Variants in SGPL1 observed in about 807,000 individuals in gnomAD.
SGPL1 encodes the protein sphingosine-1-phosphate lyase 1.
SGPL1 carries 37 observed loss-of-function variants against 68.9 expected under a neutral mutation model. The observed-to-expected ratio is 0.54, with a 90% CI of 0.41 to 0.71. The LOEUF (loss-of-function observed/expected upper bound fraction) is 0.71. SGPL1 is among the 30% of genes least tolerant of loss of function. SGPL1 has a pLI of 0.00. For synonymous variants in SGPL1, 236 were observed against 248.5 expected, an observed-to-expected ratio of 0.95 and a Z score of 0.47; for missense variants, 551 against 704.6, an observed-to-expected ratio of 0.78 and a Z score of 2.47.
At chr10:70,877,072 G>A (rs944115665) in intron 14 of SGPL1, 123 bp from the exon 15 acceptor site, 31 of 873,290 alleles carry the variant, frequency 3.5e-5, no homozygotes, top group Middle Eastern at 5.7e-4. Flanking sequence ...GCCTTAGGTG[G>A]AAATGGGGTA....
Position 70,844,635 on chromosome 10 carries a change from G to C in SGPL1, c.190G>C (p.Glu64Gln). The change falls in exon 3 of 15, where the codon GAG becomes CAG. Residue 64 changes from glutamate to glutamine, a missense_variant. By Grantham distance (29) the Glu-to-Gln change is conservative. Coordinates refer to ENST00000373202, the MANE Select transcript of SGPL1 (RefSeq NM_003901.4). Reference sequence around the variant, plus strand: ...GGGATATGAGTTTGTCTTCCAGCCAGAGAGTAAGTATGCTGTCTCCTCTGT... The same window carrying C: ...GGGATATGAGTTTGTCTTCCAGCCACAGAGTAAGTATGCTGTCTCCTCTGT... ...VWGYEFVFQP[E>Q]SLWSRFKKKC... The C allele has an allele frequency of 6.2e-7, 1 of 1,613,864 alleles. No homozygotes were observed. Among genetic ancestry groups the C allele is most frequent in the Non-Finnish European group, 8.5e-7 (1 of 1,179,936 alleles).
chr10:70,842,772 G>C (rs1845735911), intron 2 of SGPL1, among the ~76,000 whole-genome samples: 2 of 152,126 alleles, frequency 1.3e-5, no homozygotes, highest in Non-Finnish European at 2.9e-5. Flanking sequence ...TGGAGGATAG[G>C]CATCCAAACC....
At chr10:70,847,382 C>G (rs188434633) in intron 3 of SGPL1, among the ~76,000 whole-genome samples, 13 of 152,250 alleles carry the variant, frequency 8.5e-5, no homozygotes, top group African/African-American at 3.1e-4. Context: ...CTCCTGACCT[C>G]AGGTGATCCG....
At chr10:70,871,654 G>A (rs1846299201) in intron 10 of SGPL1, among the ~76,000 whole-genome samples, 183 bp from the exon 11 acceptor site, 1 of 152,090 alleles carries the variant, frequency 6.6e-6, no homozygotes, top group African/African-American at 2.4e-5. Flanking sequence ...TTATTTTGAA[G>A]GGAAAATACA....
intron 7 of SGPL1, among the ~76,000 whole-genome samples, chr10:70,867,336 GCAGATCACTTGAGGC>G (rs1335619047): frequency 6.6e-6 from 1 of 152,202 alleles, no homozygotes; most frequent in Non-Finnish European, 1.5e-5. Context: ...GCTGAGGTGG[GCAGATCACTTGAGGC>G]CAGGAGCTTG....
chr10:70,842,412 G>C (rs1223061691), intron 2 of SGPL1, among the ~76,000 whole-genome samples: 1 of 152,130 alleles, frequency 6.6e-6, no homozygotes, highest in African/African-American at 2.4e-5. Context: ...GGATTAGCCC[G>C]TTCTTGCATT....
At chr10:70,830,732 TGTAATTATATAA>T (rs1845520621) in intron 2 of SGPL1, among the ~76,000 whole-genome samples, 1 of 152,218 alleles carries the variant, frequency 6.6e-6, no homozygotes, top group South Asian at 2.1e-4. Flanking sequence ...CTGAATTCTT[TGTAATTATATAA>T]GATTTTATGT....
At chr10:70,852,583 C>T (rs1379506387) in intron 4 of SGPL1, among the ~76,000 whole-genome samples, 11 of 152,104 alleles carry the variant, frequency 7.2e-5, no homozygotes, top group Admixed American at 7.2e-4. Flanking sequence ...GGTTCCAGAA[C>T]CCACTCTTAA....
In SGPL1 at chr10:70,839,669, A is replaced by G. The variant is rs181043858; in HGVS notation, c.28-4804A>G. The stretch of plus-strand genomic sequence containing the variant: ...AGACACAATACATTGATAAAATTGA[A>G]ATAAACAGAAGCCTAAGAATTATAA... On this transcript the variant is annotated intron_variant, in intron 2 of 14. Coordinates refer to ENST00000373202, the MANE Select transcript of SGPL1 (RefSeq NM_003901.4). Among the ~76,000 whole-genome samples, 18 of 152,302 alleles carry G rather than the reference A, an allele frequency of 1.2e-4. No individual in the cohort carries two copies. The East Asian group carries it at 3.5e-3, about 29-fold the overall frequency.
intron 3 of SGPL1, among the ~76,000 whole-genome samples, chr10:70,846,131 A>C (rs538372016): frequency 1.1e-4 from 16 of 152,222 alleles, no homozygotes; most frequent in African/African-American, 3.4e-4. Flanking sequence ...TCTGTAGCTC[A>C]CTCCAGCTTT....
At chr10:70,840,089 A>G (rs988493581) in intron 2 of SGPL1, among the ~76,000 whole-genome samples, 4 of 152,126 alleles carry the variant, frequency 2.6e-5, no homozygotes, top group Admixed American at 1.3e-4. Context: ...TATCCAGGGT[A>G]GATCCTGCCA....
chr10:70,861,836 G>A (rs117294223), intron 7 of SGPL1, among the ~76,000 whole-genome samples: 3,125 of 152,310 alleles, frequency 0.021, 127 homozygotes, highest in East Asian at 0.11. Flanking sequence ...CCGGCCTACC[G>A]GCACTGCGCT....
chr10:70,843,913 T>G (rs143372687), intron 2 of SGPL1, among the ~76,000 whole-genome samples: 264 of 152,350 alleles, frequency 1.7e-3, no homozygotes, highest in African/African-American at 6.0e-3. Flanking sequence ...TGTAATTACA[T>G]TGTGTTGGAA....
intron 2 of SGPL1, among the ~76,000 whole-genome samples, chr10:70,820,673 GC>G (rs1434293207): frequency 6.6e-6 from 1 of 151,952 alleles, no homozygotes; most frequent in Non-Finnish European, 1.5e-5. Context: ...TATTTAGGAG[GC>G]TGAGGCAAGA....
rs778280394 is a variant in SGPL1 at position 70,844,464 on chromosome 10, T to A, written c.28-9T>A. 6.2e-7 allele frequency: 1 copy of A among 1,610,668 alleles called. No individual in the cohort carries two copies. Among genetic ancestry groups the A allele is most frequent in the African/African-American group, 1.3e-5 (1 of 74,738 alleles). On this transcript the variant is annotated splice_polypyrimidine_tract_variant and intron_variant, in intron 2 of 14. Coordinates refer to ENST00000373202, the MANE Select transcript of SGPL1 (RefSeq NM_003901.4). ...ATGTAATGTTTTTATTTTTCACTTG[T>A]ATTTCTAGAAGGCCTTTGAGCCCTA...
chr10:70,859,208 C>T (rs932548147), intron 6 of SGPL1, among the ~76,000 whole-genome samples, 163 bp from the exon 7 acceptor site: 6 of 152,192 alleles, frequency 3.9e-5, no homozygotes, highest in Non-Finnish European at 8.8e-5. Context: ...ACATGTCTGT[C>T]TCCTCTGCTA....
chr10:70,844,443 A>G (rs781606471), intron 2 of SGPL1, 30 bp from the exon 3 acceptor site: 2 of 1,595,476 alleles, frequency 1.3e-6, no homozygotes, highest in East Asian at 4.5e-5. Context: ...CTCTAAATGT[A>G]ATGTTTTTAT....
intron 2 of SGPL1, among the ~76,000 whole-genome samples, chr10:70,842,346 A>G (rs1458828506): frequency 1.3e-5 from 2 of 152,238 alleles, no homozygotes; most frequent in African/African-American, 4.8e-5. Flanking sequence ...ATTGCTTTAC[A>G]AAAGTTCCTA....
In SGPL1 at chr10:70,859,495, G is replaced by T; in HGVS notation, c.611G>T (p.Gly204Val). 6.6e-7 allele frequency: 1 copy of T among 1,517,516 alleles called. No homozygotes were observed. The highest frequency in any genetic ancestry group is 8.9e-7 in the Non-Finnish European group (1 of 1,128,962). The allele number at this position is 1,517,516 out of a possible 1,614,324, so 94.0% of individuals were successfully genotyped here. ...TTCAATGGGGGACCAGATTCGTGTG[G>T]ATGTGTAAGTATATGCAAGGGGCAT... is the stretch of plus-strand genomic sequence containing the variant. ...SLFNGGPDSC[G>V]CVTSGGTESI... The change falls in exon 7 of 15, where the codon GGA (glycine) becomes GTA (valine). Residue 204 changes from glycine to valine, a missense_variant. Transcript: ENST00000373202.
Sources: gnomAD v4.1 joint callset for allele counts (sites outside exome capture counted in the v4.1 genomes callset) on GRCh38, gnomAD v4.1.1 for gene constraint, MANE v1.5 for transcripts, NCBI Gene and HGNC (gene_info 2026-07-23, HGNC 2026-07-21) for gene names.